The following MBOAT1 variants were observed in gnomAD, a reference collection of about 807,000 sequenced individuals.
The protein encoded by MBOAT1 is membrane bound glycerophospholipid O-acyltransferase 1.
In MBOAT1, 67 loss-of-function variants were observed where a neutral mutation model predicts 64.4. The observed-to-expected ratio is 1.04, with a 90% CI of 0.85 to 1.27. The LOEUF is 1.27. Ranked by LOEUF, MBOAT1 falls within the 50% of genes most tolerant of loss-of-function variation. MBOAT1 has a pLI of 0.00. For missense variants in MBOAT1, 563 were observed against 604.6 expected (o/e 0.93, Z 0.72); for synonymous variants, 229 against 218.9 (o/e 1.05, Z -0.41).
chr6:20,137,608 C>G (rs1761035827), intron 4 of MBOAT1, among the ~76,000 whole-genome samples: 1 of 152,104 alleles, frequency 6.6e-6, no homozygotes, highest in South Asian at 2.1e-4. Context: ...GTTTCCCTTA[C>G]CATTAATTCC....
At chr6:20,175,595 C>T (rs948026275) in intron 1 of MBOAT1, among the ~76,000 whole-genome samples, 6 of 151,844 alleles carry the variant, frequency 4.0e-5, no homozygotes, top group South Asian at 2.1e-4. Context: ...TACAGGCACA[C>T]GTCGCCACGC....
intron 1 of MBOAT1, among the ~76,000 whole-genome samples, chr6:20,163,688 G>A (rs1316299486): frequency 1.3e-5 from 2 of 152,096 alleles, no homozygotes; most frequent in African/African-American, 2.4e-5. Context: ...ACGTGACCTG[G>A]CCTGGGTCAC....
intron 3 of MBOAT1, among the ~76,000 whole-genome samples, chr6:20,146,501 G>A (rs1181361781): frequency 6.6e-6 from 1 of 152,198 alleles, no homozygotes; most frequent in East Asian, 1.9e-4. Context: ...AAATGACTAA[G>A]AGAAAATAAC....
chr6:20,197,047 A>C (rs959292794), intron 1 of MBOAT1, among the ~76,000 whole-genome samples: 4 of 152,192 alleles, frequency 2.6e-5, no homozygotes, highest in Non-Finnish European at 5.9e-5. Context: ...AATATACCAT[A>C]GTTATGTAAG....
intron 6 of MBOAT1, 40 bp from the exon 7 acceptor site, chr6:20,126,740 T>G (rs548098325): frequency 2.7e-6 from 4 of 1,479,820 alleles, no homozygotes; most frequent in East Asian, 4.5e-5. Context: ...GTCTTCAGTC[T>G]TTGCTTTTTC....
rs147981127 is a variant in MBOAT1, at chr6:20,118,441, A to C, written c.1007T>G (p.Ile336Ser). Residue 336 changes from isoleucine (I) to serine (S), a missense_variant, in exon 9 of 13, where the codon ATT becomes AGT. Coordinates refer to ENST00000324607, the MANE Select transcript of MBOAT1 (RefSeq NM_001080480.3). ...GACTTAAAAGCATACACTCACCTCA[A>C]TTTTCCAGATGTTTAGGTTCGAAAG... ...DLLSNLNIWK[I>S]ETATSFKMYL... The C allele has an allele frequency of 1.9e-6, 3 of 1,613,532 alleles. No homozygotes were observed. Among genetic ancestry groups the C allele is most frequent in the Non-Finnish European group, 8.5e-7 (1 of 1,179,642 alleles).
At chr6:20,208,168 C>A (rs1207873137) in intron 1 of MBOAT1, among the ~76,000 whole-genome samples, 2 of 152,074 alleles carry the variant, frequency 1.3e-5, no homozygotes, top group African/African-American at 2.4e-5. Flanking sequence ...TTGTAGTCGG[C>A]CGGGCGTGGT....
chr6:20,110,923 T>A (rs902892480), intron 11 of MBOAT1, among the ~76,000 whole-genome samples: 18 of 152,216 alleles, frequency 1.2e-4, no homozygotes, highest in Admixed American at 3.3e-4. Context: ...CTTCAGGTAA[T>A]GATAACACAA....
chr6:20,157,203 G>A (rs1761720341), intron 1 of MBOAT1, among the ~76,000 whole-genome samples: 1 of 152,096 alleles, frequency 6.6e-6, no homozygotes, highest in African/African-American at 2.4e-5. Flanking sequence ...GAGGCAGGAG[G>A]ATTGCTTAAG....
chr6:20,155,116 G>A (rs113406701), intron 1 of MBOAT1, among the ~76,000 whole-genome samples: 2 of 152,230 alleles, frequency 1.3e-5, no homozygotes, highest in Non-Finnish European at 2.9e-5. Context: ...ATGTGCACAT[G>A]AGGAATGATT....
chr6:20,139,936 C>T (rs1418173021), intron 4 of MBOAT1, among the ~76,000 whole-genome samples: 1 of 152,130 alleles, frequency 6.6e-6, no homozygotes, highest in Non-Finnish European at 1.5e-5. Context: ...TATCACTGTG[C>T]CTGGTATACA....
intron 1 of MBOAT1, among the ~76,000 whole-genome samples, chr6:20,207,414 C>T (rs1353429246): frequency 6.6e-6 from 1 of 152,202 alleles, no homozygotes; most frequent in Admixed American, 6.5e-5. Context: ...TCAAATTCAG[C>T]AGGACGGGGC....
chr6:20,189,958 G>A (rs1260650113), intron 1 of MBOAT1, among the ~76,000 whole-genome samples: 1 of 151,682 alleles, frequency 6.6e-6, no homozygotes, highest in Non-Finnish European at 1.5e-5. Flanking sequence ...TCTATATCCT[G>A]GCTATTGTGA....
intron 1 of MBOAT1, among the ~76,000 whole-genome samples, chr6:20,166,506 G>A (rs1179294624): frequency 2.0e-5 from 3 of 152,128 alleles, no homozygotes; most frequent in Non-Finnish European, 4.4e-5. Flanking sequence ...CTCTTTGGGA[G>A]CCAGCATGCC....
intron 12 of MBOAT1, among the ~76,000 whole-genome samples, chr6:20,106,484 G>A (rs1271309443): frequency 1.3e-5 from 2 of 151,942 alleles, no homozygotes; most frequent in African/African-American, 2.4e-5. Context: ...GTGCAATGGC[G>A]TGATCTCAGC....
intron 1 of MBOAT1, among the ~76,000 whole-genome samples, chr6:20,188,402 T>C (rs1420990044): frequency 6.6e-6 from 1 of 152,176 alleles, no homozygotes; most frequent in African/African-American, 2.4e-5. Context: ...GTAGTTCTGT[T>C]ACAGTCTCAC....
At chr6:20,102,472 C>T in intron 12 of MBOAT1, 60 bp from the exon 13 acceptor site, 1 of 1,404,022 alleles carries the variant, frequency 7.1e-7, no homozygotes, top group Non-Finnish European at 9.9e-7. Context: ...GGAAACACCA[C>T]CTAATTATAT....
intron 8 of MBOAT1, among the ~76,000 whole-genome samples, chr6:20,119,426 T>A (rs181744015): frequency 2.0e-5 from 3 of 152,250 alleles, no homozygotes; most frequent in Admixed American, 1.3e-4. Flanking sequence ...TAAGAAAAAA[T>A]TAAAATGAAC....
intron 2 of MBOAT1, among the ~76,000 whole-genome samples, chr6:20,152,358 TAAATA>T (rs1561765747): frequency 3.7e-4 from 36 of 96,868 alleles, no homozygotes; most frequent in African/African-American, 1.2e-3. Context: ...AATAAATAAA[TAAATA>T]AATTAATTAA....
Sources: gnomAD v4.1 joint callset for allele counts (sites outside exome capture counted in the v4.1 genomes callset) on GRCh38, gnomAD v4.1.1 for gene constraint, MANE v1.5 for transcripts, NCBI Gene and HGNC (gene_info 2026-07-23, HGNC 2026-07-21) for gene names.